The following NEK11 variants were observed in gnomAD, a reference collection of about 807,000 sequenced individuals.
NEK11 encodes the protein NIMA related kinase 11, also known as serine/threonine-protein kinase Nek11.
A neutral mutation model predicts 80.7 loss-of-function variants in NEK11; 72 were observed. The ratio of observed to expected loss-of-function variants is 0.89; its 90% CI spans 0.74 to 1.08. The LOEUF (loss-of-function observed/expected upper bound fraction) is 1.08, where lower values mean the gene tolerates loss of function less well. Among genes scored for constraint, NEK11 ranks in the 50% least tolerant of loss-of-function variants. The pLI is 0.00. For missense variants in NEK11, 764 were observed against 763.6 expected, an observed-to-expected ratio of 1.00 and a Z score of -0.01; for synonymous variants, 251 against 260.7, an observed-to-expected ratio of 0.96 and a Z score of 0.36.
chr3:131,068,186 C>T (rs1482868692), intron 3 of NEK11, among the ~76,000 whole-genome samples: 4 of 152,188 alleles, frequency 2.6e-5, no homozygotes, highest in Non-Finnish European at 5.9e-5. Flanking sequence ...GGCTCTTCAA[C>T]ACTTTTAGCC....
At chr3:131,088,978 T>C (rs762224879) in intron 4 of NEK11, among the ~76,000 whole-genome samples, 10 of 152,234 alleles carry the variant, frequency 6.6e-5, no homozygotes, top group Non-Finnish European at 1.0e-4. Context: ...CCTCCATTTA[T>C]TGGTATTCTC....
In NEK11 at chr3:131,080,593, G is replaced by T; in HGVS notation, c.336+5G>T. ...ATTATCACGGAGTACTGTGAGGTGA[G>T]ACTCTCCTTTTCTCTTGGAAGTCTT... On this transcript the variant is annotated splice_donor_5th_base_variant and intron_variant, in intron 4 of 17. Transcript: ENST00000383366. 6.2e-7 allele frequency: 1 copy of T among 1,601,742 alleles called. No individual in the cohort carries two copies. Among genetic ancestry groups the T allele is most frequent in the South Asian group, 1.1e-5 (1 of 88,188 alleles).
chr3:131,112,776 G>A (rs1578432676), intron 5 of NEK11, among the ~76,000 whole-genome samples: 2 of 152,182 alleles, frequency 1.3e-5, no homozygotes, highest in Admixed American at 1.3e-4. Context: ...CAGCCACAGA[G>A]GTGGGAAAAC....
chr3:131,348,218 CTAA>C (rs947520980), intron 17 of NEK11, among the ~76,000 whole-genome samples: 3 of 151,946 alleles, frequency 2.0e-5, no homozygotes, highest in Non-Finnish European at 4.4e-5. Flanking sequence ...ATGTAAAAGC[CTAA>C]TATCTAAAGA....
chr3:131,247,884 T>C (rs2095631319), intron 16 of NEK11, among the ~76,000 whole-genome samples: 1 of 151,812 alleles, frequency 6.6e-6, no homozygotes, highest in East Asian at 1.9e-4. Flanking sequence ...GCCTTCTTGA[T>C]TTGGTTCTTA....
In NEK11 at chr3:131,332,580, G is replaced by A. The variant is rs551631893; in HGVS notation, c.1719-16977G>A. Among the ~76,000 whole-genome samples the A allele has an allele frequency of 5.7e-4, 86 of 150,970 alleles. No individual in the cohort carries two copies. The East Asian group carries it at 0.016, about 28-fold the overall frequency. ...AGCGCCTCTCCTCCTCCAAAGGAAC[G>A]CAGTTCCTCACCAGCAACGGAACAA... On this transcript the variant is annotated intron_variant, in intron 17 of 17. Transcript: ENST00000383366.
At position 131,295,226 on chromosome 3, in the gene NEK11, G is replaced by T. The variant is rs538630827; in HGVS notation, c.1718+21652G>T. 2.0e-5 allele frequency among the ~76,000 whole-genome samples: 3 copies of T among 151,622 alleles called. No homozygotes were observed. In the South Asian group the frequency reaches 6.3e-4, roughly 32 times the overall value. On this transcript the variant is annotated intron_variant, in intron 17 of 17. Transcript: ENST00000383366. The stretch of plus-strand genomic sequence containing the variant: ...AAATAAAGATTTTTAAGGCTGATTT[G>T]AATAGTCAGTATAGGTTGAGTATCC...
intron 3 of NEK11, among the ~76,000 whole-genome samples, chr3:131,035,554 C>T (rs576757192): frequency 6.6e-6 from 1 of 152,266 alleles, no homozygotes; most frequent in Admixed American, 6.5e-5. Context: ...GGGTCCAGGC[C>T]TCAGCTTTTC....
chr3:131,339,072 C>A (rs755568), intron 17 of NEK11, among the ~76,000 whole-genome samples: 18,153 of 152,048 alleles, frequency 0.12, 1,532 homozygotes, highest in East Asian at 0.3. Context: ...TGGGACTTAA[C>A]AGACTCTTTG....
intron 5 of NEK11, among the ~76,000 whole-genome samples, chr3:131,119,735 T>G (rs1045276313): frequency 1.3e-5 from 2 of 152,224 alleles, no homozygotes; most frequent in Non-Finnish European, 2.9e-5. Context: ...TGGCCTTCTT[T>G]GTCTCTTTTG....
intron 5 of NEK11, among the ~76,000 whole-genome samples, chr3:131,118,081 G>T (rs759596011): frequency 6.6e-6 from 1 of 152,086 alleles, no homozygotes; most frequent in Non-Finnish European, 1.5e-5. Context: ...TCCAGTTTTT[G>T]CCCATTCAGT....
At chr3:131,349,244 C>T (rs1482504920) in intron 17 of NEK11, among the ~76,000 whole-genome samples, 12 of 152,052 alleles carry the variant, frequency 7.9e-5, no homozygotes, top group Admixed American at 3.9e-4. Context: ...TATATACATA[C>T]GTTTATATAA....
chr3:131,094,403 C>T (rs748369929), intron 4 of NEK11, among the ~76,000 whole-genome samples: 4 of 152,066 alleles, frequency 2.6e-5, no homozygotes, highest in Non-Finnish European at 5.9e-5. Flanking sequence ...ATACACCTTC[C>T]GGTAACTATT....
intron 7 of NEK11, among the ~76,000 whole-genome samples, chr3:131,138,989 T>C (rs1322170354): frequency 1.3e-5 from 2 of 152,050 alleles, no homozygotes; most frequent in African/African-American, 4.8e-5. Context: ...CATTCACAAG[T>C]GTCAAGACCA....
chr3:131,116,885 C>T (rs1319666628), intron 5 of NEK11, among the ~76,000 whole-genome samples: 3 of 152,184 alleles, frequency 2.0e-5, no homozygotes, highest in South Asian at 4.1e-4. Context: ...AGCCCTTTGT[C>T]AGATGGGTAG....
In NEK11 at chr3:131,042,422, G is replaced by T. The variant is rs550474579; in HGVS notation, c.170+12544G>T. ...TCGACCTGGGATGCTGTTGCTTGGT[G>T]GGGGGAGGGGTGTTCACCATTACTG... On this transcript the variant is annotated intron_variant, in intron 3 of 17. Coordinates refer to ENST00000383366, the MANE Select transcript of NEK11 (RefSeq NM_024800.5). 2.6e-5 allele frequency among the ~76,000 whole-genome samples: 4 copies of T among 152,234 alleles called. No individual in the cohort carries two copies. The South Asian group carries it at 6.2e-4, about 24-fold the overall frequency.
chr3:131,332,908 G>A (rs1030054967), intron 17 of NEK11, among the ~76,000 whole-genome samples: 17 of 151,876 alleles, frequency 1.1e-4, no homozygotes, highest in Non-Finnish European at 2.1e-4. Context: ...GAGAAGGGAA[G>A]TTTAGAGAAA....
intron 17 of NEK11, among the ~76,000 whole-genome samples, chr3:131,323,267 T>C (rs1379887562): frequency 6.6e-6 from 1 of 152,260 alleles, no homozygotes; most frequent in East Asian, 1.9e-4. Context: ...GTTCCCCTCT[T>C]GTTCTTTCTC....
rs374882910 is a variant in NEK11, at chr3:131,228,565, C to T, written c.1437C>T (p.Tyr479=). 53 of 1,612,976 alleles carry T rather than the reference C, an allele frequency of 3.3e-5. No homozygotes were observed. The Admixed American group carries it at 3.7e-4, about 11-fold the overall frequency. ...ACCCACTTGTGGCTGAAGAGTACTA[C>T]GCTGATGCATTTGATTCCTATTGTG... is the stretch of plus-strand genomic sequence containing the variant. ...PEDPLVAEEY[Y]ADAFDSYCEE... Residue 479 remains tyrosine, a synonymous_variant, in exon 15 of 18, where the codon TAC becomes TAT. Coordinates refer to ENST00000383366, the MANE Select transcript of NEK11 (RefSeq NM_024800.5).
Sources: allele counts gnomAD v4.1 joint callset (sites outside exome capture counted in the v4.1 genomes callset), GRCh38; gene constraint gnomAD v4.1.1; transcripts MANE v1.5; gene names NCBI Gene and HGNC (gene_info 2026-07-23, HGNC 2026-07-21).